Variants in TP63 observed in about 807,000 individuals in gnomAD.
TP63 encodes tumor protein p63, also known as tumor protein 63.
Under a neutral mutation model 82.8 loss-of-function variants are expected in TP63, and 17 were observed. The observed-to-expected ratio is 0.21, with a 90% CI of 0.14 to 0.31. The LOEUF is 0.31. Ranked by LOEUF, TP63 falls within the 10% of genes least tolerant of loss-of-function variation. TP63 has a pLI of 1.00. For missense variants in TP63, 648 were observed against 895.3 expected, an observed-to-expected ratio of 0.72 and a Z score of 3.52; for synonymous variants, 330 against 321.7, an observed-to-expected ratio of 1.03 and a Z score of -0.28.
rs114825333 is a variant in TP63, at chr3:189,632,340, C to G, written c.62+763C>G. On this transcript the variant is annotated intron_variant, in intron 1 of 13. Transcript: ENST00000264731. ...TAAGACTAATGAGAGAGGTCCTTTGCGTGTTGAAAATGGTGAGGTTACAAA... is the reference window on the plus strand; with the variant it reads ...TAAGACTAATGAGAGAGGTCCTTTGGGTGTTGAAAATGGTGAGGTTACAAA... 2.4e-3 allele frequency among the ~76,000 whole-genome samples: 372 copies of G among 152,120 alleles called. 3 individuals carry two copies. The highest frequency in any genetic ancestry group is 8.6e-3 in the African/African-American group (357 of 41,506).
the TP63 span, among the ~76,000 whole-genome samples, chr3:189,610,683 C>T: frequency 6.4e-4 from 98 of 152,314 alleles, no homozygotes; most frequent in African/African-American, 2.2e-3. Flanking sequence ...GCCTGTTGCC[C>T]GGTTCCAAAG....
At chr3:189,737,941 A>T in intron 2 of TP63, 73 bp downstream of exon 2, 6 of 1,578,586 alleles carry the variant, frequency 3.8e-6, no homozygotes, top group Non-Finnish European at 4.3e-6. Context: ...AATATTGCTT[A>T]CTAGGGCATG....
At chr3:189,760,205 C>T (rs1431689960) in intron 3 of TP63, among the ~76,000 whole-genome samples, 1 of 152,176 alleles carries the variant, frequency 6.6e-6, no homozygotes, top group African/African-American at 2.4e-5. Context: ...ACCAATCATG[C>T]CTTCCCAACA....
intron 3 of TP63, among the ~76,000 whole-genome samples, chr3:189,785,035 G>A (rs1419689749): frequency 6.6e-6 from 1 of 152,044 alleles, no homozygotes; most frequent in Non-Finnish European, 1.5e-5. Context: ...TTTCACGCAT[G>A]TTCTAAAAAC....
intron 3 of TP63, among the ~76,000 whole-genome samples, chr3:189,762,423 T>C (rs1468055408): frequency 6.6e-6 from 1 of 152,016 alleles, no homozygotes; most frequent in Non-Finnish European, 1.5e-5. Flanking sequence ...AGAAAAAAGG[T>C]CAGAGTTTAG....
intron 1 of TP63, among the ~76,000 whole-genome samples, chr3:189,664,444 G>A (rs1419236259): frequency 1.3e-5 from 2 of 152,066 alleles, no homozygotes; most frequent in Non-Finnish European, 2.9e-5. Flanking sequence ...CCTAACTGAG[G>A]AAGATAATGC....
chr3:189,634,728 A>G (rs1440504678), intron 1 of TP63, among the ~76,000 whole-genome samples: 1 of 152,102 alleles, frequency 6.6e-6, no homozygotes, highest in African/African-American at 2.4e-5. Flanking sequence ...TGAAATTATA[A>G]AAGTTCAATA....
chr3:189,753,692 A>C (rs1256173634), intron 3 of TP63, among the ~76,000 whole-genome samples: 1 of 152,012 alleles, frequency 6.6e-6, no homozygotes, highest in Non-Finnish European at 1.5e-5. Flanking sequence ...TACTTTTAGG[A>C]CTACCATTTA....
intron 4 of TP63, among the ~76,000 whole-genome samples, chr3:189,857,953 C>T (rs1421000395): frequency 1.3e-5 from 2 of 152,118 alleles, no homozygotes; most frequent in Non-Finnish European, 2.9e-5. Context: ...AATATAACTA[C>T]CATGTGATCC....
chr3:189,738,789 C>G lies in TP63; in HGVS notation c.324+15C>G, dbSNP rs769894874. The G allele has an allele frequency of 2.5e-6, 4 of 1,613,712 alleles. No individual in the cohort carries two copies. In the African/African-American group the frequency reaches 5.3e-5, roughly 22 times the overall value. On this transcript the variant is annotated intron_variant, in intron 3 of 13. Coordinates refer to ENST00000264731, the MANE Select transcript of TP63 (RefSeq NM_003722.5). ...ACCCCATGTGGGTGAGTGGCACAGGCTTTCTCTTCAGTCTTTGGGCCATGC... is the reference window on the plus strand; with the variant it reads ...ACCCCATGTGGGTGAGTGGCACAGGGTTTCTCTTCAGTCTTTGGGCCATGC...
intron 4 of TP63, among the ~76,000 whole-genome samples, chr3:189,848,721 T>G (rs1715253135): frequency 6.6e-6 from 1 of 152,228 alleles, no homozygotes; most frequent in African/African-American, 2.4e-5. Flanking sequence ...CTGAGTTCAC[T>G]TCTTCATTAC....
chr3:189,703,022 T>C lies in TP63; in HGVS notation c.63-34718T>C, dbSNP rs1717926309. ...CTGCAAGGTAGGTGCCATTGTCATTTCCATTTTGCAGATCAGAAAAACTAG... is the reference window on the plus strand; with the variant it reads ...CTGCAAGGTAGGTGCCATTGTCATTCCCATTTTGCAGATCAGAAAAACTAG... On this transcript the variant is annotated intron_variant, in intron 1 of 13. Coordinates refer to ENST00000264731, the MANE Select transcript of TP63 (RefSeq NM_003722.5). 3.3e-5 allele frequency among the ~76,000 whole-genome samples: 5 copies of C among 152,324 alleles called. No homozygotes were observed. In the South Asian group the frequency reaches 8.3e-4, roughly 25 times the overall value.
chr3:189,797,103 A>T (rs143188961), intron 3 of TP63, among the ~76,000 whole-genome samples: 4 of 152,130 alleles, frequency 2.6e-5, no homozygotes, highest in African/African-American at 7.2e-5. Flanking sequence ...TTGATATTTC[A>T]TGCAAAACTT....
At chr3:189,725,138 C>T (rs1299944905) in intron 1 of TP63, among the ~76,000 whole-genome samples, 1 of 151,982 alleles carries the variant, frequency 6.6e-6, no homozygotes, top group Non-Finnish European at 1.5e-5. Flanking sequence ...TTATATAAAC[C>T]ACATTTCCTG....
chr3:189,836,766 A>T (rs1431723899), intron 4 of TP63, among the ~76,000 whole-genome samples: 2 of 152,060 alleles, frequency 1.3e-5, no homozygotes, highest in Non-Finnish European at 1.5e-5. Flanking sequence ...CAGTTCATGG[A>T]TTGCTGATGG....
intron 3 of TP63, among the ~76,000 whole-genome samples, chr3:189,807,311 C>T (rs956838899): frequency 2.0e-5 from 3 of 152,174 alleles, no homozygotes; most frequent in African/African-American, 7.2e-5. Flanking sequence ...ATTGTGTTAG[C>T]GGATGCTAGG....
intron 3 of TP63, chr3:189,738,994 A>T: frequency 1.6e-6 from 1 of 619,034 alleles, no homozygotes; most frequent in Non-Finnish European, 2.8e-6. Context: ...CCGTGTGGGG[A>T]GGGAGATTCT....
At chr3:189,862,794 T>C (rs747054881) in intron 4 of TP63, among the ~76,000 whole-genome samples, 1 of 152,152 alleles carries the variant, frequency 6.6e-6, no homozygotes, top group Non-Finnish European at 1.5e-5. Flanking sequence ...GTTTCCCAAG[T>C]AGAATTTTAT....
At chr3:189,810,858 C>G (rs943267145) in intron 4 of TP63, among the ~76,000 whole-genome samples, 1 of 44,276 alleles carries the variant, frequency 2.3e-5, no homozygotes, top group Non-Finnish European at 6.7e-5. Context: ...GAGTCCGTCT[C>G]CAAAAAAAAA....
Sources: allele counts gnomAD v4.1 joint callset (sites outside exome capture counted in the v4.1 genomes callset), GRCh38; gene constraint gnomAD v4.1.1; transcripts MANE v1.5; gene names NCBI Gene and HGNC (gene_info 2026-07-23, HGNC 2026-07-21).